ZMAT1: variants seen among roughly 807,000 people sequenced by gnomAD.
ZMAT1 encodes zinc finger matrin-type 1.
Under a neutral mutation model 18.5 loss-of-function variants are expected in ZMAT1, and 11 were observed. The ratio of observed to expected loss-of-function variants is 0.59; its 90% CI spans 0.37 to 0.98. ZMAT1 has a LOEUF of 0.98. Among genes scored for constraint, ZMAT1 ranks in the 50% least tolerant of loss-of-function variants. The pLI, the probability that ZMAT1 is intolerant of heterozygous loss-of-function variation, is 0.01. For missense variants in ZMAT1, 525 were observed against 496.2 expected, an observed-to-expected ratio of 1.06 and a Z score of -0.55; for synonymous variants, 211 against 176.4, an observed-to-expected ratio of 1.20 and a Z score of -1.55.
intron 1 of ZMAT1, among the ~76,000 whole-genome samples, chrX:101,910,194 C>A (rs1165256559): frequency 2.7e-5 from 3 of 112,682 alleles, no homozygotes; most frequent in Non-Finnish European, 5.6e-5. Flanking sequence ...CTCTATGAGT[C>A]TGCGAGAACC....
intron 4 of ZMAT1, among the ~76,000 whole-genome samples, chrX:101,890,582 A>G (rs1484345327): frequency 8.9e-6 from 1 of 111,811 alleles, no homozygotes; most frequent in East Asian, 2.8e-4. Context: ...CCAGGGATAC[A>G]AGATGAATGA....
At chrX:101,914,058 T>A (rs1230219736) in intron 1 of ZMAT1, among the ~76,000 whole-genome samples, 1 of 111,071 alleles carries the variant, frequency 9.0e-6, no homozygotes, top group Non-Finnish European at 1.9e-5. Context: ...ACTATACAAA[T>A]ACATGGAAAT....
chrX:101,919,076 T>C (rs528795601), intron 1 of ZMAT1, among the ~76,000 whole-genome samples: 2 of 111,538 alleles, frequency 1.8e-5, no homozygotes, highest in African/African-American at 6.5e-5. Context: ...TCTCAGTCAT[T>C]CTTCTCCCCA....
At chrX:101,922,538 G>A (rs759653518) in intron 1 of ZMAT1, among the ~76,000 whole-genome samples, 4 of 110,067 alleles carry the variant, frequency 3.6e-5, no homozygotes, top group Non-Finnish European at 3.8e-5. Flanking sequence ...GACTACAGGC[G>A]TGCACCACCA....
In ZMAT1 at chrX:101,925,197, TA is replaced by T. The variant is rs1454481834; in HGVS notation, c.292+6519del. 8.0e-5 allele frequency among the ~76,000 whole-genome samples: 9 copies of T among 112,158 alleles called. No homozygotes were observed. In the East Asian group the frequency reaches 2.2e-3, roughly 28 times the overall value. On this transcript the variant is annotated intron_variant, in intron 1 of 5. Transcript: ENST00000651725. ...ACTTCTGAATAACATTTATGATGGT[TA>T]TTTGAAATGAAATGGTAGTTTTGTG... is the stretch of plus-strand genomic sequence containing the variant.
At chrX:101,895,682 T>TC (rs1569431809) in intron 4 of ZMAT1, 1 of 142,545 alleles carries the variant, frequency 7.0e-6, no homozygotes, top group East Asian at 2.7e-4. Flanking sequence ...TTTTTTTTTT[T>TC]CCCAACATAA....
At position 101,886,722 on chromosome X, in the gene ZMAT1, A is replaced by G; in HGVS notation, c.686T>C (p.Met229Thr). The change falls in exon 5 of 6, where the codon ATG (methionine) becomes ACG (threonine). Residue 229 changes from methionine (M) to threonine (T), a missense_variant. Transcript: ENST00000651725. ...SGFQPEMAFSMRTYVCHICSI... is the reference protein window; with the variant it reads ...SGFQPEMAFSTRTYVCHICSI... ...ACAAATATGGCAAACATAGGTTCTCATACTAAATGCTGAAAAAACAAAGAG... is the reference window on the plus strand; with the variant it reads ...ACAAATATGGCAAACATAGGTTCTCGTACTAAATGCTGAAAAAACAAAGAG... The G allele has an allele frequency of 8.5e-7, 1 of 1,183,308 alleles. No individual in the cohort carries two copies.
chrX:101,896,251 G>A (rs1008591423), intron 4 of ZMAT1, among the ~76,000 whole-genome samples: 2 of 111,844 alleles, frequency 1.8e-5, no homozygotes, highest in African/African-American at 6.5e-5. Context: ...AAAGTAAGGC[G>A]TCTATTCATT....
At position 101,904,270 on chromosome X, in the gene ZMAT1, C is replaced by T; in HGVS notation, c.353G>A (p.Cys118Tyr). 1 of 1,208,604 alleles carries T rather than the reference C, an allele frequency of 8.3e-7. No individual in the cohort carries two copies. Among genetic ancestry groups the T allele is most frequent in the Non-Finnish European group, 1.1e-6 (1 of 894,186 alleles). ...ELFTDKFCQV[C>Y]GVMLQFESQR... ...TGATTCAAACTGTAGCATCACTCCA[C>T]ATACTTGACAAAACTTATCTGTAAA... is the stretch of plus-strand genomic sequence containing the variant. Residue 118 changes from cysteine to tyrosine, a missense_variant, in exon 2 of 6, where the codon TGT becomes TAT. Cys to Tyr is a radical substitution (Grantham distance 194). Coordinates refer to ENST00000651725, the MANE Select transcript of ZMAT1 (RefSeq NM_001394560.1).
In ZMAT1 at chrX:101,914,781, C is replaced by A. The variant is rs1363295470; in HGVS notation, c.293-10451G>T. On this transcript the variant is annotated intron_variant, in intron 1 of 5. Coordinates refer to ENST00000651725, the MANE Select transcript of ZMAT1 (RefSeq NM_001394560.1). ...AAACATTTAAAGAACTACGACCAAT[C>A]CTACTAAAACTATTCTGAAAAACAG... 2.7e-5 allele frequency among the ~76,000 whole-genome samples: 3 copies of A among 111,277 alleles called. No individual in the cohort carries two copies. In the East Asian group the frequency reaches 8.5e-4, roughly 31 times the overall value.
intron 1 of ZMAT1, among the ~76,000 whole-genome samples, chrX:101,906,010 C>T (rs1344286459): frequency 3.6e-5 from 4 of 110,947 alleles, no homozygotes; most frequent in Non-Finnish European, 7.6e-5. Flanking sequence ...AGCCCCCTAC[C>T]AAGCCCAGCA....
chrX:101,921,475 T>C (rs935358853), intron 1 of ZMAT1, among the ~76,000 whole-genome samples: 14 of 112,145 alleles, frequency 1.2e-4, no homozygotes, highest in African/African-American at 3.2e-4. Flanking sequence ...TAATCCTTTT[T>C]TAGTGTTATT....
At chrX:101,924,497 T>C (rs1188130004) in intron 1 of ZMAT1, among the ~76,000 whole-genome samples, 1 of 112,274 alleles carries the variant, frequency 8.9e-6, no homozygotes, top group Non-Finnish European at 1.9e-5. Flanking sequence ...TATACCATCT[T>C]TAAAATATAC....
At chrX:101,916,612 A>C (rs1929353412) in intron 1 of ZMAT1, among the ~76,000 whole-genome samples, 1 of 111,648 alleles carries the variant, frequency 9.0e-6, no homozygotes, top group African/African-American at 3.3e-5. Flanking sequence ...CATAGGACCC[A>C]AAGCAATCTA....
At chrX:101,930,888 T>G (rs1191545243) in intron 1 of ZMAT1, among the ~76,000 whole-genome samples, 1 of 112,277 alleles carries the variant, frequency 8.9e-6, no homozygotes, top group Non-Finnish European at 1.9e-5. Flanking sequence ...ATTGATACAG[T>G]CAAGAAATAT....
At chrX:101,920,654 A>T (rs746113960) in intron 1 of ZMAT1, among the ~76,000 whole-genome samples, 33 of 112,380 alleles carry the variant, frequency 2.9e-4, no homozygotes, top group Admixed American at 4.7e-4. Context: ...ATTTATCCAA[A>T]TTTTTTCTAA....
intron 1 of ZMAT1, among the ~76,000 whole-genome samples, chrX:101,910,175 G>A (rs1198637795): frequency 8.9e-6 from 1 of 112,555 alleles, no homozygotes; most frequent in Non-Finnish European, 1.9e-5. Flanking sequence ...AAGACCATCA[G>A]GGCAGCACCT....
intron 2 of ZMAT1, 37 bp from the exon 3 acceptor site, chrX:101,898,257 A>G (rs1569433104): frequency 8.9e-7 from 1 of 1,120,718 alleles, no homozygotes; most frequent in East Asian, 3.1e-5. Flanking sequence ...TTTATTCAAT[A>G]AAAGAGTCAT....
At position 101,883,467 on chromosome X, in the gene ZMAT1, T is replaced by G. The variant is rs1187196878; in HGVS notation, c.*43A>C. The G allele has an allele frequency of 2.7e-6, 2 of 746,803 alleles. No individual in the cohort carries two copies. Among genetic ancestry groups the G allele is most frequent in the Non-Finnish European group, 1.8e-6 (1 of 555,304 alleles). The allele number at this position is 746,803 out of a possible 1,213,427, so 61.5% of individuals were successfully genotyped here. A position where few individuals can be genotyped will look rare whatever the true frequency, so the allele number is the denominator to read the frequency against. On this transcript the variant is annotated 3_prime_UTR_variant, in exon 6 of 6. Transcript: ENST00000651725. The stretch of plus-strand genomic sequence containing the variant: ...CCTTTTTCTAAATCCATATTGACTG[T>G]TTTTTTTTTTCAATTCAACCTTGGG...
Sources: gnomAD v4.1 joint callset for allele counts (sites outside exome capture counted in the v4.1 genomes callset) on GRCh38, gnomAD v4.1.1 for gene constraint, MANE v1.5 for transcripts, NCBI Gene and HGNC (gene_info 2026-07-23, HGNC 2026-07-21) for gene names.